Variants in EPB41L5 observed in about 807,000 individuals in gnomAD.
The protein encoded by EPB41L5 is erythrocyte membrane protein band 4.1 like 5.
In EPB41L5, 55 loss-of-function variants were observed where a neutral mutation model predicts 106.6. The observed-to-expected ratio is 0.52, with a 90% CI of 0.42 to 0.65. The LOEUF (loss-of-function observed/expected upper bound fraction) is 0.65, where lower values mean the gene tolerates loss of function less well. Ranked by LOEUF, EPB41L5 falls within the 30% of genes least tolerant of loss-of-function variation. The probability of loss-of-function intolerance (pLI) is 0.00; values close to 1 mark genes in which losing one functional copy is unlikely to be tolerated. For missense variants in EPB41L5, 871 were observed against 882.1 expected, an observed-to-expected ratio of 0.99 and a Z score of 0.16; for synonymous variants, 297 against 306.7, an observed-to-expected ratio of 0.97 and a Z score of 0.33.
At chr2:120,090,324 T>G in intron 11 of EPB41L5, 23 bp from the exon 12 acceptor site, 1 of 1,563,712 alleles carries the variant, frequency 6.4e-7, no homozygotes, top group South Asian at 1.2e-5. Context: ...AATCATCCTT[T>G]TATATATACT....
chr2:120,022,481 G>T (rs1678005928), intron 2 of EPB41L5, among the ~76,000 whole-genome samples: 1 of 152,108 alleles, frequency 6.6e-6, no homozygotes, highest in Admixed American at 6.5e-5. Context: ...ATGGTTTCCA[G>T]CTTCATCTGT....
chr2:120,073,513 G>T (rs1682023736), intron 4 of EPB41L5, among the ~76,000 whole-genome samples: 1 of 152,106 alleles, frequency 6.6e-6, no homozygotes, highest in Non-Finnish European at 1.5e-5. Flanking sequence ...AGTTGTGTTG[G>T]AATTTTCCTG....
chr2:120,075,580 T>C, intron 6 of EPB41L5, 60 bp downstream of exon 6: 1 of 1,432,454 alleles, frequency 7.0e-7, no homozygotes, highest in South Asian at 1.2e-5. Context: ...AAAATTATTT[T>C]GAAAATAAGT....
chr2:120,103,061 T>C (rs545262422), intron 16 of EPB41L5, among the ~76,000 whole-genome samples: 2 of 152,336 alleles, frequency 1.3e-5, no homozygotes, highest in East Asian at 3.9e-4. Flanking sequence ...AATTTTGTTT[T>C]GAAAAATTAT....
At chr2:120,107,191 C>T (rs141980943) in intron 16 of EPB41L5, among the ~76,000 whole-genome samples, 65 of 152,172 alleles carry the variant, frequency 4.3e-4, no homozygotes, top group African/African-American at 1.5e-3. Flanking sequence ...ATTAGTTCAT[C>T]GTGCCCCAGT....
At chr2:120,088,633 G>A (rs1259652743) in intron 11 of EPB41L5, among the ~76,000 whole-genome samples, 4 of 152,154 alleles carry the variant, frequency 2.6e-5, no homozygotes, top group African/African-American at 7.2e-5. Flanking sequence ...GAACACTAAG[G>A]TGTATGTATA....
At chr2:120,106,455 G>A (rs1684458144) in intron 16 of EPB41L5, 1 of 985,154 alleles carries the variant, frequency 1.0e-6, no homozygotes, top group Non-Finnish European at 1.2e-6. Flanking sequence ...TAAATAAATT[G>A]TCACCAACCT....
intron 20 of EPB41L5, among the ~76,000 whole-genome samples, chr2:120,154,904 C>T (rs186128542): frequency 8.8e-4 from 133 of 151,672 alleles, no homozygotes; most frequent in African/African-American, 3.0e-3. Context: ...CCAGCCTGGG[C>T]GACAGAGCAA....
In EPB41L5 at chr2:120,167,965, T is replaced by C. The variant is rs1687490751; in HGVS notation, c.2093T>C (p.Leu698Pro). The C allele has an allele frequency of 6.2e-7, 1 of 1,614,020 alleles. No homozygotes were observed. The highest frequency in any genetic ancestry group is 8.5e-7 in the Non-Finnish European group (1 of 1,180,010). The change falls in exon 24 of 25, where the codon CTG (leucine) becomes CCG (proline). Residue 698 changes from leucine (L) to proline (P), a missense_variant. Leu to Pro is a moderately conservative substitution (Grantham distance 98). Transcript: ENST00000263713. ...EGHGNKDGIS[L>P]ISPPAPFLVD... Reference sequence around the variant, plus strand: ...CATGGTAATAAAGATGGAATCTCACTGATCTCTCCCCCAGCGCCATTCTTG... The same window carrying C: ...CATGGTAATAAAGATGGAATCTCACCGATCTCTCCCCCAGCGCCATTCTTG...
chr2:120,072,592 A>C (rs959989627), intron 3 of EPB41L5, among the ~76,000 whole-genome samples: 1 of 152,214 alleles, frequency 6.6e-6, no homozygotes, highest in Non-Finnish European at 1.5e-5. Context: ...ATGGAATACT[A>C]TGCAGCCATA....
In EPB41L5 at chr2:120,075,686, G is replaced by A; in HGVS notation, c.453-15G>A. The A allele has an allele frequency of 6.2e-7, 1 of 1,610,380 alleles. No homozygotes were observed. The highest frequency in any genetic ancestry group is 8.5e-7 in the Non-Finnish European group (1 of 1,176,942). ...TGAAATCAACTTGTCTAACAAACTT[G>A]TGTTTTGGTCTCAGATTAGACTGTC... On this transcript the variant is annotated splice_polypyrimidine_tract_variant and intron_variant, in intron 6 of 24. Transcript: ENST00000263713.
intron 2 of EPB41L5, among the ~76,000 whole-genome samples, chr2:120,041,077 G>A (rs780686740): frequency 6.6e-6 from 1 of 152,040 alleles, no homozygotes; most frequent in African/African-American, 2.4e-5. Flanking sequence ...TTTATTAACT[G>A]ATTAATCAAT....
At chr2:120,092,008 T>TTTTATTTATTTATTTATTTA (rs145583905) in intron 13 of EPB41L5, among the ~76,000 whole-genome samples, 7 of 146,656 alleles carry the variant, frequency 4.8e-5, no homozygotes, top group African/African-American at 1.5e-4. Flanking sequence ...TTAAAAACAT[T>TTTTATTTATTTATTTATTTA]TTTATTTATT....
chr2:120,050,843 A>G (rs528612966), intron 3 of EPB41L5, among the ~76,000 whole-genome samples: 10 of 152,146 alleles, frequency 6.6e-5, no homozygotes, highest in African/African-American at 2.2e-4. Context: ...TTTGGTGTGG[A>G]TGTCCTTTCT....
intron 20 of EPB41L5, among the ~76,000 whole-genome samples, chr2:120,158,589 C>G (rs1318823133): frequency 1.3e-5 from 2 of 152,244 alleles, no homozygotes; most frequent in Admixed American, 1.3e-4. Context: ...GAACATACCT[C>G]AAAATAATAA....
chr2:120,071,817 C>T lies in EPB41L5; in HGVS notation c.286-1361C>T, dbSNP rs1335528686. 2.6e-5 allele frequency among the ~76,000 whole-genome samples: 4 copies of T among 152,010 alleles called. No individual in the cohort carries two copies. The East Asian group carries it at 7.7e-4, about 29-fold the overall frequency. ...GACTTAAACGTGTAAAACCTAAAAC[C>T]ATAAAAACCCTAGAAGAAAACCTAG... On this transcript the variant is annotated intron_variant, in intron 3 of 24. Coordinates refer to ENST00000263713, the MANE Select transcript of EPB41L5 (RefSeq NM_020909.4).
chr2:120,033,084 T>A (rs1678823377), intron 2 of EPB41L5, among the ~76,000 whole-genome samples: 1 of 152,234 alleles, frequency 6.6e-6, no homozygotes, highest in South Asian at 2.1e-4. Flanking sequence ...TTTCTAAGGT[T>A]GATACTAGCA....
intron 17 of EPB41L5, among the ~76,000 whole-genome samples, chr2:120,130,342 T>A (rs1364937780): frequency 6.6e-6 from 1 of 152,194 alleles, no homozygotes; most frequent in African/African-American, 2.4e-5. Context: ...AGAACATTTT[T>A]ATGTTAAGAG....
intron 2 of EPB41L5, among the ~76,000 whole-genome samples, chr2:120,022,054 T>G (rs1677966263): frequency 6.6e-6 from 1 of 152,210 alleles, no homozygotes; most frequent in Admixed American, 6.5e-5. Flanking sequence ...AATTTTTAAG[T>G]TTTTTCTTTG....
Sources: gnomAD v4.1 joint callset for allele counts (sites outside exome capture counted in the v4.1 genomes callset) on GRCh38, gnomAD v4.1.1 for gene constraint, MANE v1.5 for transcripts, NCBI Gene and HGNC (gene_info 2026-07-23, HGNC 2026-07-21) for gene names.